The following KDM4C variants were observed in gnomAD, a reference collection of about 807,000 sequenced individuals.
KDM4C encodes lysine-specific demethylase 4C.
Under a neutral mutation model 129.3 loss-of-function variants are expected in KDM4C, and 81 were observed. The observed-to-expected ratio is 0.63, with a 90% CI of 0.52 to 0.75. KDM4C has a LOEUF of 0.75. Among genes scored for constraint, KDM4C ranks in the 30% least tolerant of loss-of-function variants. KDM4C has a pLI of 0.00. For synonymous variants in KDM4C, 573 were observed against 456.1 expected, an observed-to-expected ratio of 1.26 and a Z score of -3.26; for missense variants, 1,457 against 1,304.0, an observed-to-expected ratio of 1.12 and a Z score of -1.81.
intron 12 of KDM4C, among the ~76,000 whole-genome samples, chr9:7,009,470 A>G (rs1474215841): frequency 6.6e-6 from 1 of 151,988 alleles, no homozygotes; most frequent in Admixed American, 6.5e-5. Context: ...TTTTTTTCAC[A>G]GATTTAATAA....
At chr9:6,871,130 G>C (rs550389880) in intron 5 of KDM4C, among the ~76,000 whole-genome samples, 52 of 152,368 alleles carry the variant, frequency 3.4e-4, no homozygotes, top group African/African-American at 1.2e-3. Context: ...TGAGAAGTAG[G>C]AGTTAGTCTT....
intron 4 of KDM4C, among the ~76,000 whole-genome samples, chr9:6,842,384 T>A (rs1012950347): frequency 6.9e-6 from 1 of 145,764 alleles, no homozygotes; most frequent in African/African-American, 2.5e-5. Flanking sequence ...TGGCATGCGA[T>A]CATGGCTCAC....
chr9:6,728,468 A>C (rs1055909318), intron 1 of KDM4C, among the ~76,000 whole-genome samples: 1 of 152,090 alleles, frequency 6.6e-6, no homozygotes, highest in African/African-American at 2.4e-5. Context: ...CAGGAGGCAG[A>C]GGTTTCAGTG....
chr9:6,870,800 G>A (rs1001522049), intron 5 of KDM4C, among the ~76,000 whole-genome samples: 1 of 149,866 alleles, frequency 6.7e-6, no homozygotes, highest in African/African-American at 2.4e-5. Context: ...AAATAAGGGA[G>A]GAAATGACTA....
At chr9:7,134,303 TAA>T (rs1463156797) in intron 19 of KDM4C, among the ~76,000 whole-genome samples, 1 of 152,228 alleles carries the variant, frequency 6.6e-6, no homozygotes, top group Non-Finnish European at 1.5e-5. Context: ...TTTATACATG[TAA>T]AAGAGTGTCT....
intron 8 of KDM4C, among the ~76,000 whole-genome samples, chr9:6,969,582 C>G (rs1035909204): frequency 2.0e-5 from 3 of 152,226 alleles, no homozygotes; most frequent in African/African-American, 7.2e-5. Context: ...GTGCCTGGAT[C>G]ACATCACATG....
At chr9:6,804,895 A>G (rs1391794924) in intron 2 of KDM4C, among the ~76,000 whole-genome samples, 1 of 151,994 alleles carries the variant, frequency 6.6e-6, no homozygotes, top group African/African-American at 2.4e-5. Context: ...TGTAAACATA[A>G]TTTCGTCTTT....
intron 4 of KDM4C, among the ~76,000 whole-genome samples, chr9:6,819,844 G>C (rs568865802): frequency 6.6e-6 from 1 of 152,250 alleles, no homozygotes; most frequent in East Asian, 1.9e-4. Context: ...TCTTTATATT[G>C]TTTAATTCTT....
Position 7,028,065 on chromosome 9 carries a change from G to A in KDM4C, c.2259+12136G>A, listed in dbSNP as rs1043141109. ...CTGGAATTGAGGACCCCAAGATCCT[G>A]CTTGGTACTCCAATTCCTGTGGCCA... On this transcript the variant is annotated intron_variant, in intron 15 of 21. Transcript: ENST00000381309. Among the ~76,000 whole-genome samples, 7 of 152,152 alleles carry A rather than the reference G, an allele frequency of 4.6e-5. No individual in the cohort carries two copies. In the East Asian group the frequency reaches 1.4e-3, roughly 29 times the overall value.
chr9:6,988,829 C>T (rs1246833330), intron 11 of KDM4C, among the ~76,000 whole-genome samples: 1 of 152,042 alleles, frequency 6.6e-6, no homozygotes, highest in Non-Finnish European at 1.5e-5. Flanking sequence ...AAGTTCCCCT[C>T]AAGTATCACT....
chr9:7,165,361 G>T lies in KDM4C; in HGVS notation c.2901+4G>T. ...AAATATTGCCCACATGTACCAGGTG[G>T]GTTCTTCCTTCTCTGTGATGCTTGC... On this transcript the variant is annotated splice_donor_region_variant and intron_variant, in intron 20 of 21. Transcript: ENST00000381309. 1 of 1,613,474 alleles carries T rather than the reference G, an allele frequency of 6.2e-7. No individual in the cohort carries two copies. The highest frequency in any genetic ancestry group is 8.5e-7 in the Non-Finnish European group (1 of 1,179,696).
chr9:6,930,032 A>G (rs906530088), intron 8 of KDM4C, among the ~76,000 whole-genome samples: 1 of 152,156 alleles, frequency 6.6e-6, no homozygotes, highest in Non-Finnish European at 1.5e-5. Flanking sequence ...TTACTGGTGT[A>G]ATTGGATGAA....
chr9:6,865,825 A>G (rs1216230545), intron 5 of KDM4C, among the ~76,000 whole-genome samples: 1 of 151,556 alleles, frequency 6.6e-6, no homozygotes, highest in African/African-American at 2.4e-5. Flanking sequence ...ATCTCTGCTC[A>G]CTGCAAGCTC....
rs780754739 is a variant in KDM4C, at chr9:6,893,290, A to G, written c.921+58A>G. 1.9e-5 allele frequency: 27 copies of G among 1,430,348 alleles called. No homozygotes were observed. The Admixed American group carries it at 2.1e-4, about 11-fold the overall frequency. 88.6% of individuals were successfully genotyped at this position (1,430,348 alleles called of 1,614,324 possible). On this transcript the variant is annotated intron_variant, in intron 8 of 21. Coordinates refer to ENST00000381309, the MANE Select transcript of KDM4C (RefSeq NM_015061.6). ...AAATGTGTATTCTGGTTATTTTAGTAGGAACCCTACGATCCTGTGCAGCAT... is the reference window on the plus strand; with the variant it reads ...AAATGTGTATTCTGGTTATTTTAGTGGGAACCCTACGATCCTGTGCAGCAT...
intron 1 of KDM4C, among the ~76,000 whole-genome samples, chr9:6,781,674 A>C (rs1001564641): frequency 6.6e-6 from 1 of 152,184 alleles, no homozygotes; most frequent in Non-Finnish European, 1.5e-5. Flanking sequence ...ACTTGTTTGC[A>C]TTATGAGAGC....
intron 19 of KDM4C, among the ~76,000 whole-genome samples, chr9:7,129,911 C>G (rs528230407): frequency 6.6e-6 from 1 of 152,284 alleles, no homozygotes; most frequent in South Asian, 2.1e-4. Flanking sequence ...GAATAATTGT[C>G]TCAAGGTCAC....
At chr9:6,885,685 G>A (rs1845154119) in intron 6 of KDM4C, among the ~76,000 whole-genome samples, 1 of 151,978 alleles carries the variant, frequency 6.6e-6, no homozygotes, top group Non-Finnish European at 1.5e-5. Context: ...ATAGACTATG[G>A]AGTGAGAGTG....
intron 19 of KDM4C, among the ~76,000 whole-genome samples, chr9:7,147,360 G>A (rs1842311493): frequency 1.3e-5 from 2 of 152,092 alleles, no homozygotes; most frequent in African/African-American, 4.8e-5. Context: ...ACACAGGGCA[G>A]CCTTCTCTCC....
At chr9:7,076,417 T>G in intron 17 of KDM4C, 1 of 1,527,992 alleles carries the variant, frequency 6.5e-7, no homozygotes. Flanking sequence ...TTTTAAAATT[T>G]GCATTGTGTT....
Sources: allele counts gnomAD v4.1 joint callset (sites outside exome capture counted in the v4.1 genomes callset), GRCh38; gene constraint gnomAD v4.1.1; transcripts MANE v1.5; gene names NCBI Gene and HGNC (gene_info 2026-07-23, HGNC 2026-07-21).